ILRUN: variants seen among roughly 807,000 people sequenced by gnomAD.
ILRUN encodes inflammation and lipid regulator with UBA-like and NBR1-like domains, also known as protein ILRUN.
A neutral mutation model predicts 33.8 loss-of-function variants in ILRUN; 3 were observed. The observed-to-expected ratio is 0.09, with a 90% CI of 0.04 to 0.23. The LOEUF (loss-of-function observed/expected upper bound fraction) is 0.23, where lower values mean the gene tolerates loss of function less well. Among genes scored for constraint, ILRUN ranks in the 10% least tolerant of loss-of-function variants. ILRUN has a pLI of 1.00. For synonymous variants in ILRUN, 124 were observed against 138.9 expected (o/e 0.89, Z 0.75); for missense variants, 210 against 375.1 (o/e 0.56, Z 3.64).
intron 3 of ILRUN, among the ~76,000 whole-genome samples, chr6:34,636,989 A>G (rs185211978): frequency 1.3e-5 from 2 of 152,276 alleles, no homozygotes; most frequent in African/African-American, 4.8e-5. Flanking sequence ...TCACCTTTTT[A>G]TTCATTTTTA....
At chr6:34,626,876 G>A (rs549232373) in intron 3 of ILRUN, among the ~76,000 whole-genome samples, 11 of 152,024 alleles carry the variant, frequency 7.2e-5, no homozygotes, top group South Asian at 6.2e-4. Context: ...ATGGTGGTGC[G>A]CACTTGTAAT....
intron 1 of ILRUN, among the ~76,000 whole-genome samples, chr6:34,695,359 C>T (rs1763741498): frequency 1.3e-5 from 2 of 152,230 alleles, no homozygotes; most frequent in African/African-American, 2.4e-5. Context: ...ACCTGAAATC[C>T]TTTCAAAGAA....
chr6:34,620,164 A>G lies in ILRUN; in HGVS notation c.512-13260T>C, dbSNP rs139218009. Among the ~76,000 whole-genome samples the G allele has an allele frequency of 2.8e-3, 432 of 152,222 alleles. 5 individuals carry two copies. The highest frequency in any genetic ancestry group is 0.017 in the Middle Eastern group (5 of 294). On this transcript the variant is annotated intron_variant, in intron 3 of 4. Transcript: ENST00000374023. ...AGCTGAAGGGGGCAGGGATGGATAT[A>G]TATTATATCCATCTAAATATATTAC...
chr6:34,685,103 C>A (rs1418316773), intron 1 of ILRUN, among the ~76,000 whole-genome samples: 1 of 152,042 alleles, frequency 6.6e-6, no homozygotes, highest in African/African-American at 2.4e-5. Flanking sequence ...AAACTAGTAA[C>A]ATAATCTGCA....
At chr6:34,605,318 CAAAAAAAA>C (rs78612898) in intron 4 of ILRUN, among the ~76,000 whole-genome samples, 4 of 74,148 alleles carry the variant, frequency 5.4e-5, no homozygotes, top group Middle Eastern at 8.6e-3. Context: ...AAAACAAAAA[CAAAAAAAA>C]AAAAAAAAAA....
intron 3 of ILRUN, among the ~76,000 whole-genome samples, chr6:34,625,541 A>G (rs1310242171): frequency 1.3e-5 from 2 of 152,068 alleles, no homozygotes; most frequent in East Asian, 1.9e-4. Context: ...TAGCTACTCA[A>G]CTCTCTTACA....
At chr6:34,651,585 T>G (rs944597933) in intron 2 of ILRUN, among the ~76,000 whole-genome samples, 1 of 152,150 alleles carries the variant, frequency 6.6e-6, no homozygotes, top group African/African-American at 2.4e-5. Flanking sequence ...CTCTAACAAC[T>G]TTCAGTATTT....
At chr6:34,683,443 T>TATATATACATATATATAC (rs1562032912) in intron 1 of ILRUN, among the ~76,000 whole-genome samples, 14 of 73,296 alleles carry the variant, frequency 1.9e-4, no homozygotes, top group Non-Finnish European at 2.5e-4. Flanking sequence ...TATATATACA[T>TATATATACATATATATAC]ATATATATAC....
chr6:34,605,436 C>T (rs2814975), intron 4 of ILRUN, among the ~76,000 whole-genome samples: 67,595 of 151,604 alleles, frequency 0.45, 17,007 homozygotes, highest in African/African-American at 0.7. Flanking sequence ...GAGACCAGCC[C>T]AGCCAACATA....
chr6:34,670,018 TCTC>T (rs1333089725), intron 1 of ILRUN, among the ~76,000 whole-genome samples: 1 of 152,062 alleles, frequency 6.6e-6, no homozygotes, highest in Non-Finnish European at 1.5e-5. Context: ...TTCAAGCGAT[TCTC>T]CTGCCTCAGC....
At chr6:34,604,472 G>A (rs1463961592) in intron 4 of ILRUN, among the ~76,000 whole-genome samples, 1 of 152,240 alleles carries the variant, frequency 6.6e-6, no homozygotes, top group Non-Finnish European at 1.5e-5. Flanking sequence ...AAGCCAGAAA[G>A]CTCATAGGTG....
intron 1 of ILRUN, among the ~76,000 whole-genome samples, chr6:34,683,407 CATATATAT>C (rs200965425): frequency 9.3e-6 from 1 of 107,642 alleles, no homozygotes; most frequent in Non-Finnish European, 1.7e-5. Context: ...CACATATATA[CATATATAT>C]ATACATATAT....
intron 3 of ILRUN, among the ~76,000 whole-genome samples, chr6:34,644,517 C>G (rs1454467251): frequency 6.6e-6 from 1 of 152,126 alleles, no homozygotes; most frequent in African/African-American, 2.4e-5. Context: ...AACTTCCAAT[C>G]CCAGGTCAAG....
chr6:34,684,211 CTCT>C (rs1360369081), intron 1 of ILRUN, among the ~76,000 whole-genome samples: 1 of 152,180 alleles, frequency 6.6e-6, no homozygotes, highest in Non-Finnish European at 1.5e-5. Context: ...ATCAGACATG[CTCT>C]TTATAAAGGC....
intron 3 of ILRUN, among the ~76,000 whole-genome samples, chr6:34,627,679 G>A (rs1036841154): frequency 8.6e-5 from 13 of 150,462 alleles, no homozygotes; most frequent in African/African-American, 3.2e-4. Flanking sequence ...TTTCTTTGGT[G>A]AGATATCTGT....
At chr6:34,635,910 C>A (rs181632041) in intron 3 of ILRUN, among the ~76,000 whole-genome samples, 49 of 152,196 alleles carry the variant, frequency 3.2e-4, no homozygotes, top group African/African-American at 8.9e-4. Flanking sequence ...GTGTGAGTCA[C>A]CACGCTGGGC....
chr6:34,593,923 T>C (rs914807676), intron 4 of ILRUN, among the ~76,000 whole-genome samples: 1 of 151,962 alleles, frequency 6.6e-6, no homozygotes, highest in African/African-American at 2.4e-5. Flanking sequence ...CCTATGGCAG[T>C]AGGCCAAGCA....
chr6:34,638,081 T>A (rs1762402506), intron 3 of ILRUN, among the ~76,000 whole-genome samples: 1 of 151,552 alleles, frequency 6.6e-6, no homozygotes, highest in African/African-American at 2.4e-5. Flanking sequence ...AGAGATGGAG[T>A]TTCACCATGT....
chr6:34,625,561 TGG>T (rs1762106928), intron 3 of ILRUN, among the ~76,000 whole-genome samples: 1 of 152,144 alleles, frequency 6.6e-6, no homozygotes, highest in Non-Finnish European at 1.5e-5. Context: ...AGATGACCAG[TGG>T]GTGCTAATCT....
Sources: gnomAD v4.1 joint callset for allele counts (sites outside exome capture counted in the v4.1 genomes callset) on GRCh38, gnomAD v4.1.1 for gene constraint, MANE v1.5 for transcripts, NCBI Gene and HGNC (gene_info 2026-07-23, HGNC 2026-07-21) for gene names.